The following AUTS2 variants were observed in gnomAD, a reference collection of about 807,000 sequenced individuals.
AUTS2 encodes activator of transcription and developmental regulator AUTS2, also known as autism susceptibility gene 2 protein.
A neutral mutation model predicts 112.4 loss-of-function variants in AUTS2; 17 were observed. The ratio of observed to expected loss-of-function variants is 0.15; its 90% confidence interval spans 0.10 to 0.23. AUTS2 has a LOEUF of 0.23. Among genes scored for constraint, AUTS2 ranks in the 10% least tolerant of loss-of-function variants. The pLI is 1.00. For synonymous variants in AUTS2, 751 were observed against 702.7 expected (o/e 1.07, Z -1.09); for missense variants, 1,510 against 1,701.6 (o/e 0.89, Z 1.98).
intron 4 of AUTS2, among the ~76,000 whole-genome samples, chr7:70,252,573 T>C (rs1786659133): frequency 6.6e-6 from 1 of 151,674 alleles, no homozygotes; most frequent in South Asian, 2.1e-4. Context: ...TGCTAATCGC[T>C]TTTTTTTGCC....
chr7:69,719,358 C>G (rs1354421460), intron 1 of AUTS2, among the ~76,000 whole-genome samples: 1 of 152,082 alleles, frequency 6.6e-6, no homozygotes, highest in Non-Finnish European at 1.5e-5. Flanking sequence ...CCATCCTGTT[C>G]CTTCTCCTGA....
intron 5 of AUTS2, among the ~76,000 whole-genome samples, chr7:70,511,600 G>C (rs1342411081): frequency 2.1e-5 from 2 of 95,078 alleles, no homozygotes; most frequent in East Asian, 3.6e-4. Flanking sequence ...TATTGAGACA[G>C]AGTCTCACTC....
intron 5 of AUTS2, among the ~76,000 whole-genome samples, chr7:70,614,218 A>AAAAAAATAAG (rs1213579242): frequency 6.6e-6 from 1 of 152,226 alleles, no homozygotes; most frequent in Non-Finnish European, 1.5e-5. Context: ...CTGGGAAAGG[A>AAAAAAATAAG]AAAAAATAAG....
chr7:70,111,434 T>C (rs1303265875), intron 2 of AUTS2, among the ~76,000 whole-genome samples: 1 of 152,166 alleles, frequency 6.6e-6, no homozygotes, highest in Non-Finnish European at 1.5e-5. Context: ...TACCATAAAA[T>C]TCACTCATTG....
chr7:69,900,665 A>G (rs1034749558), intron 2 of AUTS2, among the ~76,000 whole-genome samples: 4 of 152,212 alleles, frequency 2.6e-5, no homozygotes, highest in South Asian at 4.1e-4. Flanking sequence ...AAAAGCCTCA[A>G]TATGATGTAG....
At chr7:69,926,276 T>A (rs1192387561) in intron 2 of AUTS2, among the ~76,000 whole-genome samples, 3 of 151,770 alleles carry the variant, frequency 2.0e-5, no homozygotes. Context: ...ATAATTGTGG[T>A]TTTGTTTCTT....
At chr7:70,456,501 T>G (rs1256749023) in intron 5 of AUTS2, among the ~76,000 whole-genome samples, 1 of 152,160 alleles carries the variant, frequency 6.6e-6, no homozygotes, top group African/African-American at 2.4e-5. Flanking sequence ...GACACCAATA[T>G]CAGCGAGATT....
intron 4 of AUTS2, among the ~76,000 whole-genome samples, chr7:70,219,212 C>T (rs1291445486): frequency 6.6e-6 from 1 of 152,222 alleles, no homozygotes; most frequent in Non-Finnish European, 1.5e-5. Flanking sequence ...ACATCTCTCT[C>T]ATTGCTAGTG....
At chr7:70,324,261 G>T (rs1229425392) in intron 4 of AUTS2, among the ~76,000 whole-genome samples, 1 of 152,172 alleles carries the variant, frequency 6.6e-6, no homozygotes, top group Admixed American at 6.6e-5. Flanking sequence ...GCAGATGAGG[G>T]TCTTGGGTCT....
intron 5 of AUTS2, among the ~76,000 whole-genome samples, chr7:70,632,986 A>G (rs1805342722): frequency 6.7e-6 from 1 of 149,734 alleles, no homozygotes; most frequent in Admixed American, 6.6e-5. Context: ...AAAGCCCTCT[A>G]CCTTGGGGGG....
intron 5 of AUTS2, among the ~76,000 whole-genome samples, chr7:70,692,405 T>C (rs368037318): frequency 6.6e-6 from 1 of 152,240 alleles, no homozygotes; most frequent in African/African-American, 2.4e-5. Context: ...AACAACCTTT[T>C]AATGTCTTCT....
At chr7:70,066,571 TG>T (rs2129561657) in intron 2 of AUTS2, among the ~76,000 whole-genome samples, 1 of 150,928 alleles carries the variant, frequency 6.6e-6, no homozygotes, top group African/African-American at 2.4e-5. Flanking sequence ...AACAGAGTCT[TG>T]CTCTGTCACC....
At chr7:70,026,748 G>T (rs1231098448) in intron 2 of AUTS2, among the ~76,000 whole-genome samples, 1 of 152,102 alleles carries the variant, frequency 6.6e-6, no homozygotes, top group Non-Finnish European at 1.5e-5. Context: ...TAATATATCT[G>T]AATGGGTATA....
intron 2 of AUTS2, among the ~76,000 whole-genome samples, chr7:70,000,029 T>G (rs1010767984): frequency 1.3e-5 from 2 of 152,232 alleles, no homozygotes; most frequent in Non-Finnish European, 2.9e-5. Flanking sequence ...TTAATTCGAC[T>G]GGATGCAGTT....
At chr7:69,632,523 CT>C (rs1794296614) in intron 1 of AUTS2, among the ~76,000 whole-genome samples, 1 of 150,660 alleles carries the variant, frequency 6.6e-6, no homozygotes, top group Non-Finnish European at 1.5e-5. Context: ...TCTCCACCCC[CT>C]CTCCTCCCTT....
chr7:69,815,089 G>C (rs987004325), intron 1 of AUTS2, among the ~76,000 whole-genome samples: 2 of 152,194 alleles, frequency 1.3e-5, no homozygotes, highest in Non-Finnish European at 2.9e-5. Context: ...TTGGTTTTAA[G>C]TTGCTGCCTT....
At chr7:70,039,979 T>C (rs976115950) in intron 2 of AUTS2, among the ~76,000 whole-genome samples, 1 of 152,082 alleles carries the variant, frequency 6.6e-6, no homozygotes, top group African/African-American at 2.4e-5. Flanking sequence ...GTGGGGAGCA[T>C]GAGGCTGCAG....
intron 1 of AUTS2, among the ~76,000 whole-genome samples, chr7:69,837,945 G>A (rs938324278): frequency 2.0e-5 from 3 of 152,182 alleles, no homozygotes; most frequent in Non-Finnish European, 4.4e-5. Context: ...TCTGCCTGCA[G>A]CTAAGGCTCT....
In AUTS2 at chr7:70,790,927, G is replaced by T. The variant is rs757776766; in HGVS notation, c.3711G>T (p.Thr1237=). The part of the protein sequence containing the change: ...LGGRPVSPRR[T]TPLSAEIRER... ...GCCGCCCGGTCTCTCCCAGAAGGAC[G>T]ACTCCTCTGTCCGCAGAGATAAGGG... The change falls in exon 19 of 19, where the codon ACG becomes ACT. Residue 1237 remains threonine (T), a synonymous_variant. Transcript: ENST00000342771. This position sits in a 1 kb window ranked among gnomAD's most constrained non-coding sequence, Gnocchi z 7.6. 2 of 1,560,760 alleles carry T rather than the reference G, an allele frequency of 1.3e-6. No individual in the cohort carries two copies. The highest frequency in any genetic ancestry group is 1.7e-6 in the Non-Finnish European group (2 of 1,154,852).
Sources: allele counts gnomAD v4.1 joint callset (sites outside exome capture counted in the v4.1 genomes callset), GRCh38; gene constraint gnomAD v4.1.1; non-coding constraint Gnocchi (gnomAD v3.1); transcripts MANE v1.5; gene names NCBI Gene and HGNC (gene_info 2026-07-23, HGNC 2026-07-21).